ARHGAP15: variants seen among roughly 807,000 people sequenced by gnomAD.
The protein encoded by ARHGAP15 is rho GTPase-activating protein 15.
Under a neutral mutation model 63.7 loss-of-function variants are expected in ARHGAP15, and 51 were observed. The ratio of observed to expected loss-of-function variants is 0.80; its 90% CI spans 0.64 to 1.01. The LOEUF (loss-of-function observed/expected upper bound fraction) is 1.01, where lower values mean the gene tolerates loss of function less well. ARHGAP15 is among the 50% of genes least tolerant of loss of function. The probability of loss-of-function intolerance (pLI) is 0.00; values close to 1 mark genes in which losing one functional copy is unlikely to be tolerated. For missense variants in ARHGAP15, 560 were observed against 564.6 expected, an observed-to-expected ratio of 0.99 and a Z score of 0.08; for synonymous variants, 191 against 193.8, an observed-to-expected ratio of 0.99 and a Z score of 0.12.
At chr2:143,296,337 C>T (rs1682631661) in intron 6 of ARHGAP15, among the ~76,000 whole-genome samples, 1 of 152,044 alleles carries the variant, frequency 6.6e-6, no homozygotes, top group African/African-American at 2.4e-5. Flanking sequence ...GGCACTTCTG[C>T]TTTTGTGATG....
chr2:143,143,637 A>C (rs1008283063), intron 1 of ARHGAP15, among the ~76,000 whole-genome samples: 2 of 151,372 alleles, frequency 1.3e-5, no homozygotes, highest in Non-Finnish European at 2.9e-5. Flanking sequence ...CCGCTGGAAC[A>C]AGAAATAGAA....
chr2:143,571,460 A>G (rs1334285772), intron 11 of ARHGAP15, among the ~76,000 whole-genome samples: 1 of 152,196 alleles, frequency 6.6e-6, no homozygotes, highest in Admixed American at 6.5e-5. Context: ...TGAGTTGCTA[A>G]GAGTTGCATT....
intron 6 of ARHGAP15, among the ~76,000 whole-genome samples, chr2:143,284,309 CCT>C (rs1391732659): frequency 6.6e-6 from 1 of 152,108 alleles, no homozygotes; most frequent in African/African-American, 2.4e-5. Flanking sequence ...GAAAGGCAGG[CCT>C]ACTTTTGCCA....
intron 6 of ARHGAP15, among the ~76,000 whole-genome samples, chr2:143,390,957 CT>C (rs1687513804): frequency 6.6e-6 from 1 of 152,150 alleles, no homozygotes; most frequent in South Asian, 2.1e-4. Context: ...GTGGGACCAG[CT>C]TTTTACCTAG....
At chr2:143,258,708 T>C (rs1054427970) in intron 6 of ARHGAP15, among the ~76,000 whole-genome samples, 5 of 152,066 alleles carry the variant, frequency 3.3e-5, no homozygotes, top group Non-Finnish European at 7.4e-5. Context: ...AGGAAGCTGT[T>C]TGAACTCTTT....
At chr2:143,223,306 C>G (rs1168097117) in intron 4 of ARHGAP15, among the ~76,000 whole-genome samples, 1 of 152,120 alleles carries the variant, frequency 6.6e-6, no homozygotes, top group Non-Finnish European at 1.5e-5. Flanking sequence ...TAGGATTTGT[C>G]TCCTGCATGG....
chr2:143,270,016 G>T (rs574253963), intron 6 of ARHGAP15, among the ~76,000 whole-genome samples: 1 of 151,892 alleles, frequency 6.6e-6, no homozygotes, highest in African/African-American at 2.4e-5. Context: ...CTTGTCGCCC[G>T]GGCTGGTGTG....
intron 3 of ARHGAP15, among the ~76,000 whole-genome samples, chr2:143,208,406 G>A (rs1396678882): frequency 6.6e-6 from 1 of 152,136 alleles, no homozygotes; most frequent in Admixed American, 6.6e-5. Context: ...CTCTCTTAAT[G>A]TTCCTTTTAA....
rs770624527 is a variant in ARHGAP15 at position 143,487,502 on chromosome 2, G to A, written c.826+7G>A. The A allele has an allele frequency of 5.6e-6, 9 of 1,611,090 alleles. 1 individual carries two copies. Among genetic ancestry groups the A allele is most frequent in the Admixed American group, 5.0e-5 (3 of 59,460 alleles). The stretch of plus-strand genomic sequence containing the variant: ...GAAAAAGGACTTATTAAAGGTACAG[G>A]TCATTTTATACTTGTACTATAACTG... On this transcript the variant is annotated splice_region_variant and intron_variant, in intron 9 of 13. Coordinates refer to ENST00000295095, the MANE Select transcript of ARHGAP15 (RefSeq NM_018460.4).
At chr2:143,618,844 TC>T (rs1174146343) in intron 11 of ARHGAP15, among the ~76,000 whole-genome samples, 2 of 151,768 alleles carry the variant, frequency 1.3e-5, no homozygotes, top group Non-Finnish European at 2.9e-5. Context: ...TTTTTTTTTT[TC>T]CTTTGAGACG....
intron 6 of ARHGAP15, among the ~76,000 whole-genome samples, chr2:143,275,291 G>A (rs114607849): frequency 3.8e-4 from 58 of 152,304 alleles, no homozygotes; most frequent in Admixed American, 9.2e-4. Flanking sequence ...TAGCTACTAA[G>A]TTGTCTGTGG....
intron 3 of ARHGAP15, among the ~76,000 whole-genome samples, chr2:143,212,609 A>C (rs1422366348): frequency 6.6e-6 from 1 of 152,204 alleles, no homozygotes; most frequent in Admixed American, 6.6e-5. Flanking sequence ...ATTACTGGAG[A>C]CAAGACCATC....
At chr2:143,467,809 CATA>C (rs1444703856) in intron 8 of ARHGAP15, among the ~76,000 whole-genome samples, 4 of 152,044 alleles carry the variant, frequency 2.6e-5, no homozygotes, top group African/African-American at 9.7e-5. Context: ...AGTTCAGAAC[CATA>C]ATGACGATAT....
chr2:143,434,368 C>T (rs1029606296), intron 6 of ARHGAP15, among the ~76,000 whole-genome samples: 1 of 152,098 alleles, frequency 6.6e-6, no homozygotes, highest in East Asian at 1.9e-4. Context: ...AAACAAATGA[C>T]AAATGAATAT....
At chr2:143,608,614 A>G (rs1698133948) in intron 11 of ARHGAP15, 1 of 152,174 alleles carries the variant, frequency 6.6e-6, no homozygotes, top group Non-Finnish European at 1.5e-5. Context: ...ACTGAGTGTC[A>G]TTCTTTTTAT....
chr2:143,648,045 C>T (rs1680973815), intron 12 of ARHGAP15, among the ~76,000 whole-genome samples: 1 of 152,022 alleles, frequency 6.6e-6, no homozygotes, highest in South Asian at 2.1e-4. Context: ...CAGCACCCAG[C>T]TTGTTCCCTA....
At chr2:143,600,325 T>G (rs1199010499) in intron 11 of ARHGAP15, among the ~76,000 whole-genome samples, 1 of 152,182 alleles carries the variant, frequency 6.6e-6, no homozygotes, top group Non-Finnish European at 1.5e-5. Context: ...GTTCCTATTA[T>G]CTTTTAGTCA....
At chr2:143,455,514 A>G (rs780252945) in intron 8 of ARHGAP15, among the ~76,000 whole-genome samples, 1 of 152,060 alleles carries the variant, frequency 6.6e-6, no homozygotes, top group Non-Finnish European at 1.5e-5. Flanking sequence ...TATTTTACCC[A>G]GCCGCTATTC....
chr2:143,688,472 C>T (rs1234041629), intron 12 of ARHGAP15, among the ~76,000 whole-genome samples: 1 of 152,140 alleles, frequency 6.6e-6, no homozygotes, highest in Non-Finnish European at 1.5e-5. Context: ...CATTTCCTGT[C>T]ACCAAGAGCT....
Sources: allele counts gnomAD v4.1 joint callset (sites outside exome capture counted in the v4.1 genomes callset), GRCh38; gene constraint gnomAD v4.1.1; transcripts MANE v1.5; gene names NCBI Gene and HGNC (gene_info 2026-07-23, HGNC 2026-07-21).